Variants in JAKMIP1 observed in about 807,000 individuals in gnomAD.
JAKMIP1 encodes the protein janus kinase and microtubule interacting protein 1.
Under a neutral mutation model 113.0 loss-of-function variants are expected in JAKMIP1, and 33 were observed. The ratio of observed to expected loss-of-function variants is 0.29; its 90% CI spans 0.22 to 0.39. JAKMIP1 has a LOEUF of 0.39. Among genes scored for constraint, JAKMIP1 ranks in the 10% least tolerant of loss-of-function variants. The pLI is 1.00. For missense variants in JAKMIP1, 813 were observed against 1,080.5 expected (o/e 0.75, Z 3.47); for synonymous variants, 480 against 459.9 (o/e 1.04, Z -0.56).
rs923610635 is a variant in JAKMIP1, at chr4:6,194,212, T to C, written c.-148+6041A>G. 6.6e-6 allele frequency among the ~76,000 whole-genome samples: 1 copy of C among 152,002 alleles called. No homozygotes were observed. Among genetic ancestry groups the C allele is most frequent in the Non-Finnish European group, 1.5e-5 (1 of 68,010 alleles). ...GGGAGGAAAATGTTTTGCAGCTAGATTGAGGTGACAGTTGCACAACATCGT... is the reference window on the plus strand; with the variant it reads ...GGGAGGAAAATGTTTTGCAGCTAGACTGAGGTGACAGTTGCACAACATCGT... On this transcript the variant is annotated intron_variant, in intron 1 of 20. Coordinates refer to ENST00000409021, the MANE Select transcript of JAKMIP1 (RefSeq NM_001099433.2). This position sits in a 1 kb window ranked among gnomAD's most constrained non-coding sequence, Gnocchi z 7.4.
chr4:6,169,123 T>G (rs1055115770), intron 1 of JAKMIP1, among the ~76,000 whole-genome samples: 1 of 152,236 alleles, frequency 6.6e-6, no homozygotes, highest in African/African-American at 2.4e-5. Context: ...CCAGATTTTA[T>G]AGTACATGAA....
intron 18 of JAKMIP1, among the ~76,000 whole-genome samples, chr4:6,039,138 G>T (rs969021948): frequency 1.3e-5 from 2 of 152,218 alleles, no homozygotes; most frequent in African/African-American, 4.8e-5. Flanking sequence ...GCTTCTGTAT[G>T]GTGGCAGAAC....
intron 1 of JAKMIP1, among the ~76,000 whole-genome samples, chr4:6,151,511 C>T (rs551648644): frequency 4.6e-4 from 70 of 152,252 alleles, no homozygotes; most frequent in African/African-American, 1.5e-3. Flanking sequence ...ACCATTCTCA[C>T]CACCCCAGAC....
In JAKMIP1 at chr4:6,197,638, G is replaced by T. The variant is rs1194096723; in HGVS notation, c.-148+2615C>A. ...CCACTATGGGGAGAGGAGTGACCCA[G>T]CAGAACTGGGACACACTGCAGTCAT... is the stretch of plus-strand genomic sequence containing the variant. On this transcript the variant is annotated intron_variant, in intron 1 of 20. Coordinates refer to ENST00000409021, the MANE Select transcript of JAKMIP1 (RefSeq NM_001099433.2). The surrounding 1 kb of genome is among the most constrained non-coding windows in gnomAD (Gnocchi z 6.5). Among the ~76,000 whole-genome samples, 1 of 152,200 alleles carries T rather than the reference G, an allele frequency of 6.6e-6. No individual in the cohort carries two copies. Among genetic ancestry groups the T allele is most frequent in the Non-Finnish European group, 1.5e-5 (1 of 68,032 alleles).
chr4:6,033,686 T>A (rs968668987), intron 19 of JAKMIP1, among the ~76,000 whole-genome samples: 9 of 152,198 alleles, frequency 5.9e-5, no homozygotes, highest in Admixed American at 2.0e-4. Context: ...CTATGGCTCC[T>A]AATGCTGCAT....
chr4:6,163,505 C>A (rs1361519350), intron 1 of JAKMIP1, among the ~76,000 whole-genome samples: 1 of 152,192 alleles, frequency 6.6e-6, no homozygotes, highest in Non-Finnish European at 1.5e-5. Flanking sequence ...TGGCCTCAGG[C>A]CTCCCCATTC....
chr4:6,046,419 G>A lies in JAKMIP1; in HGVS notation c.2028+2438C>T, dbSNP rs559792671. Among the ~76,000 whole-genome samples the A allele has an allele frequency of 9.8e-5, 15 of 152,364 alleles. No homozygotes were observed. The South Asian group carries it at 3.1e-3, about 32-fold the overall frequency. On this transcript the variant is annotated intron_variant, in intron 16 of 20. Coordinates refer to ENST00000409021, the MANE Select transcript of JAKMIP1 (RefSeq NM_001099433.2). ...CTATTCCTCAAAGACGCGGAGCTGG[G>A]CACCTCTGTGCCAGGCTCAGAATCG...
Position 6,042,076 on chromosome 4 carries a change from A to G in JAKMIP1, c.2097+83T>C. The G allele has an allele frequency of 9.0e-7, 1 of 1,116,544 alleles. No homozygotes were observed. Among genetic ancestry groups the G allele is most frequent in the Non-Finnish European group, 1.3e-6 (1 of 741,048 alleles). The allele number at this position is 1,116,544 out of a possible 1,614,324, so 69.2% of individuals were successfully genotyped here. On this transcript the variant is annotated intron_variant, in intron 17 of 20. Transcript: ENST00000409021. The surrounding 1 kb of genome is among the most constrained non-coding windows in gnomAD (Gnocchi z 5.2). ...GAAATGCATGCAAATCATTAGGAAAACACATGCAAAGCCTTCCTGCAAATC... is the reference window on the plus strand; with the variant it reads ...GAAATGCATGCAAATCATTAGGAAAGCACATGCAAAGCCTTCCTGCAAATC...
rs148446734 is a variant in JAKMIP1, at chr4:6,191,320, G to A, written c.-148+8933C>T. 3.3e-5 allele frequency among the ~76,000 whole-genome samples: 5 copies of A among 152,242 alleles called. No homozygotes were observed. In the East Asian group the frequency reaches 7.7e-4, roughly 24 times the overall value. On this transcript the variant is annotated intron_variant, in intron 1 of 20. Coordinates refer to ENST00000409021, the MANE Select transcript of JAKMIP1 (RefSeq NM_001099433.2). ...CACAGCTCCCACCGCCAGTGTGACT[G>A]TCCCCTGCATGTCCCTCCTGAGGCC...
In JAKMIP1 at chr4:6,139,132, G is replaced by T. The variant is rs899855912; in HGVS notation, c.-147-26135C>A. On this transcript the variant is annotated intron_variant, in intron 1 of 20. Coordinates refer to ENST00000409021, the MANE Select transcript of JAKMIP1 (RefSeq NM_001099433.2). The surrounding 1 kb of genome is among the most constrained non-coding windows in gnomAD (Gnocchi z 5.2). ...AGCAGGTCAGCCCTGCTCTCCTCTG[G>T]ACTCCTCTTATGCCTGAGCCCCACT... Among the ~76,000 whole-genome samples the T allele has an allele frequency of 6.6e-6, 1 of 151,474 alleles. No homozygotes were observed. The highest frequency in any genetic ancestry group is 1.5e-5 in the Non-Finnish European group (1 of 67,958).
rs1195846390 is a variant in JAKMIP1, at chr4:6,136,429, G to A, written c.-147-23432C>T. ...GCAGGAATGAAGGAAGCAAAGCCAC[G>A]ACGTTGAGGGACCTGCTGGAAGGAA... On this transcript the variant is annotated intron_variant, in intron 1 of 20. Coordinates refer to ENST00000409021, the MANE Select transcript of JAKMIP1 (RefSeq NM_001099433.2). The surrounding 1 kb of genome is among the most constrained non-coding windows in gnomAD (Gnocchi z 5.9). 1.3e-5 allele frequency among the ~76,000 whole-genome samples: 2 copies of A among 151,974 alleles called. No individual in the cohort carries two copies. Among genetic ancestry groups the A allele is most frequent in the African/African-American group, 2.4e-5 (1 of 41,366 alleles).
chr4:6,132,647 T>TAAAAAAAAAA (rs71646639), intron 1 of JAKMIP1, among the ~76,000 whole-genome samples: 3 of 117,976 alleles, frequency 2.5e-5, no homozygotes, highest in African/African-American at 5.5e-5. Context: ...GCCTCAAAAA[T>TAAAAAAAAAA]AAAAAAAAAA....
rs1717711915 is a variant in JAKMIP1 at position 6,064,164 on chromosome 4, G to C, written c.1431+716C>G. Among the ~76,000 whole-genome samples, 1 of 152,248 alleles carries C rather than the reference G, an allele frequency of 6.6e-6. No homozygotes were observed. The highest frequency in any genetic ancestry group is 2.1e-4 in the South Asian group (1 of 4,834). On this transcript the variant is annotated intron_variant, in intron 9 of 20. Transcript: ENST00000409021. This position sits in a 1 kb window ranked among gnomAD's most constrained non-coding sequence, Gnocchi z 4.3. ...AAGGGGAAGGTCTGCGCTGAATGAA[G>C]TCTGCTGTTTAGGAAATTAATCAAA...
At position 6,108,662 on chromosome 4, in the gene JAKMIP1, C is replaced by A. The variant is rs1714368065; in HGVS notation, c.130-2695G>T. Among the ~76,000 whole-genome samples, 1 of 152,192 alleles carries A rather than the reference C, an allele frequency of 6.6e-6. No homozygotes were observed. Among genetic ancestry groups the A allele is most frequent in the Non-Finnish European group, 1.5e-5 (1 of 68,038 alleles). ...AGCCCTCCCCGCCACACCCTCCATGCTCAAAGCCCTCTAAATCTCATGGGT... is the reference window on the plus strand; with the variant it reads ...AGCCCTCCCCGCCACACCCTCCATGATCAAAGCCCTCTAAATCTCATGGGT... On this transcript the variant is annotated intron_variant, in intron 2 of 20. Coordinates refer to ENST00000409021, the MANE Select transcript of JAKMIP1 (RefSeq NM_001099433.2). This position sits in a 1 kb window ranked among gnomAD's most constrained non-coding sequence, Gnocchi z 5.6.
At chr4:6,109,103 T>C (rs1305636279) in intron 2 of JAKMIP1, among the ~76,000 whole-genome samples, 1 of 148,598 alleles carries the variant, frequency 6.7e-6, no homozygotes, top group Non-Finnish European at 1.5e-5. Flanking sequence ...GTAGGAAATA[T>C]ACAAGATGTG....
intron 5 of JAKMIP1, 74 bp downstream of exon 5, chr4:6,084,772 A>G: frequency 2.0e-6 from 3 of 1,465,880 alleles, no homozygotes; most frequent in South Asian, 1.5e-5. Flanking sequence ...CTTTCTGTGC[A>G]GGGCATGTTT....
At chr4:6,119,002 C>T (rs1716288840) in intron 1 of JAKMIP1, among the ~76,000 whole-genome samples, 1 of 152,172 alleles carries the variant, frequency 6.6e-6, no homozygotes, top group African/African-American at 2.4e-5. Context: ...AGGAGAAGCC[C>T]AAGCGAAGTC....
chr4:6,099,242 C>T (rs1712599339), intron 3 of JAKMIP1, among the ~76,000 whole-genome samples: 1 of 152,300 alleles, frequency 6.6e-6, no homozygotes, highest in Middle Eastern at 3.4e-3. Context: ...TTAATTCCAC[C>T]GTTTTGCTGT....
rs781101397 is a variant in JAKMIP1 at position 6,097,625 on chromosome 4, G to T, written c.624+7848C>A. Among the ~76,000 whole-genome samples the T allele has an allele frequency of 6.6e-6, 1 of 152,184 alleles. No homozygotes were observed. Among genetic ancestry groups the T allele is most frequent in the Non-Finnish European group, 1.5e-5 (1 of 68,042 alleles). On this transcript the variant is annotated intron_variant, in intron 3 of 20. Coordinates refer to ENST00000409021, the MANE Select transcript of JAKMIP1 (RefSeq NM_001099433.2). The surrounding 1 kb of genome is among the most constrained non-coding windows in gnomAD (Gnocchi z 4.3). ...GGAGCATTTGGGACTTTGGATTAGG[G>T]ATGCTCAACCTATTTCTATACCACC...
Sources: gnomAD v4.1 joint callset for allele counts (sites outside exome capture counted in the v4.1 genomes callset) on GRCh38, gnomAD v4.1.1 for gene constraint, Gnocchi (gnomAD v3.1) non-coding constraint, MANE v1.5 for transcripts, NCBI Gene and HGNC (gene_info 2026-07-23, HGNC 2026-07-21) for gene names.